The following HHAT variants were observed in gnomAD, a reference collection of about 807,000 sequenced individuals.
The protein encoded by HHAT is protein-cysteine N-palmitoyltransferase HHAT.
HHAT carries 47 observed loss-of-function variants against 70.8 expected under a neutral mutation model. The ratio of observed to expected loss-of-function variants is 0.66; its 90% CI spans 0.53 to 0.85. The LOEUF is 0.85. HHAT is among the 40% of genes least tolerant of loss of function. The pLI is 0.00. For synonymous variants in HHAT, 228 were observed against 247.6 expected, an observed-to-expected ratio of 0.92 and a Z score of 0.74; for missense variants, 609 against 604.8, an observed-to-expected ratio of 1.01 and a Z score of -0.07.
chr1:210,400,826 A>T (rs181910389), intron 5 of HHAT, among the ~76,000 whole-genome samples, 164 bp downstream of exon 5: 1 of 152,156 alleles, frequency 6.6e-6, no homozygotes, highest in Non-Finnish European at 1.5e-5. Context: ...CTAGTGGTGC[A>T]TTCTGCAATC....
chr1:210,466,561 T>C (rs988163406), intron 8 of HHAT, among the ~76,000 whole-genome samples: 26 of 152,224 alleles, frequency 1.7e-4, no homozygotes, highest in Admixed American at 1.7e-3. Context: ...TCAGTGTGAA[T>C]GCTTGTACTC....
intron 1 of HHAT, among the ~76,000 whole-genome samples, chr1:210,336,897 CA>C (rs1282829899): frequency 2.6e-5 from 4 of 152,178 alleles, no homozygotes; most frequent in African/African-American, 7.2e-5. Flanking sequence ...CTGATGCTCC[CA>C]GGCTGGGGAG....
At chr1:210,631,264 A>G in intron 11 of HHAT, 2 of 376,762 alleles carry the variant, frequency 5.3e-6, no homozygotes, top group South Asian at 4.1e-5. Context: ...CACTGTTTAC[A>G]CCATGAACCA....
At chr1:210,652,584 G>A (rs533346014) in intron 11 of HHAT, among the ~76,000 whole-genome samples, 112 of 152,264 alleles carry the variant, frequency 7.4e-4, no homozygotes, top group Middle Eastern at 3.4e-3. Flanking sequence ...GGAGGCTCCC[G>A]CAACTCAGTG....
intron 7 of HHAT, among the ~76,000 whole-genome samples, chr1:210,445,793 C>A (rs1212211156): frequency 6.6e-6 from 1 of 151,976 alleles, no homozygotes; most frequent in African/African-American, 2.4e-5. Flanking sequence ...CTGCCCCACC[C>A]TTCTCTATTT....
chr1:210,651,509 G>A (rs982825784), intron 11 of HHAT, among the ~76,000 whole-genome samples: 10 of 152,156 alleles, frequency 6.6e-5, no homozygotes, highest in African/African-American at 1.9e-4. Flanking sequence ...TGGCAGCTGT[G>A]CTTAGGCCTC....
chr1:210,390,936 T>C (rs540798420), intron 4 of HHAT, among the ~76,000 whole-genome samples: 1 of 152,384 alleles, frequency 6.6e-6, no homozygotes, highest in African/African-American at 2.4e-5. Context: ...ATCTTTGCAA[T>C]TGCAAATTAG....
At chr1:210,501,540 C>T (rs1474795618) in intron 8 of HHAT, among the ~76,000 whole-genome samples, 2 of 152,230 alleles carry the variant, frequency 1.3e-5, no homozygotes, top group African/African-American at 2.4e-5. Context: ...ATCTTGGCTG[C>T]CTGCAGCACC....
At chr1:210,481,622 C>A (rs1017706635) in intron 8 of HHAT, among the ~76,000 whole-genome samples, 2 of 152,174 alleles carry the variant, frequency 1.3e-5, no homozygotes, top group African/African-American at 4.8e-5. Context: ...CGGATCTCAC[C>A]CAGCTGAGGT....
At chr1:210,620,843 C>A (rs1402358827) in intron 10 of HHAT, among the ~76,000 whole-genome samples, 8 of 151,232 alleles carry the variant, frequency 5.3e-5, no homozygotes, top group African/African-American at 1.9e-4. Flanking sequence ...CCCCCCCTCT[C>A]CTTCCTATCT....
intron 9 of HHAT, among the ~76,000 whole-genome samples, chr1:210,557,664 C>T (rs1439822276): frequency 3.3e-5 from 5 of 152,108 alleles, no homozygotes; most frequent in Non-Finnish European, 7.4e-5. Context: ...GAAGCAAAAG[C>T]GGAAACCCCT....
At chr1:210,476,934 TCTC>T (rs759435467) in intron 8 of HHAT, among the ~76,000 whole-genome samples, 6 of 152,164 alleles carry the variant, frequency 3.9e-5, no homozygotes, top group Non-Finnish European at 8.8e-5. Context: ...TCTCAGGACT[TCTC>T]CTCCTTGACA....
intron 9 of HHAT, among the ~76,000 whole-genome samples, chr1:210,541,460 G>A (rs1194237889): frequency 6.6e-6 from 1 of 152,204 alleles, no homozygotes; most frequent in Non-Finnish European, 1.5e-5. Flanking sequence ...AGCTGCGGTG[G>A]CTCACGCCTG....
intron 10 of HHAT, among the ~76,000 whole-genome samples, chr1:210,597,585 A>G (rs1454873493): frequency 2.0e-5 from 3 of 152,116 alleles, no homozygotes; most frequent in South Asian, 2.1e-4. Flanking sequence ...TTCCACAAGC[A>G]GAGGAGTCTT....
intron 7 of HHAT, among the ~76,000 whole-genome samples, chr1:210,421,917 GT>G (rs1004391819): frequency 1.3e-5 from 2 of 151,904 alleles, no homozygotes; most frequent in African/African-American, 4.8e-5. Context: ...TTTTTATGTT[GT>G]TTTTTTGACA....
At position 210,418,218 on chromosome 1, in the gene HHAT, G is replaced by A. The variant is rs148639278; in HGVS notation, c.749G>A (p.Arg250His). ...SLCVLALGLG[R>H]LLCWWWLAEL... is the part of the protein sequence containing the mutation. ...TGTGTCCTGGCCCTGGGGCTGGGCC[G>A]CCTTCTTTGCTGGTGGTGGCTGGCC... is the stretch of plus-strand genomic sequence containing the variant. The change falls in exon 7 of 12, where the codon CGC becomes CAC. Residue 250 changes from arginine to histidine, a missense_variant. Arg to His is a conservative substitution (Grantham distance 29). Transcript: ENST00000261458. 2.5e-5 allele frequency: 41 copies of A among 1,613,888 alleles called. No individual in the cohort carries two copies. The highest frequency in any genetic ancestry group is 3.3e-4 in the Middle Eastern group (2 of 6,084).
In HHAT at chr1:210,380,575, C is replaced by G. The variant is rs1435567289; in HGVS notation, c.160-6893C>G. 2.6e-5 allele frequency among the ~76,000 whole-genome samples: 4 copies of G among 152,068 alleles called. No individual in the cohort carries two copies. The East Asian group carries it at 5.8e-4, about 22-fold the overall frequency. The stretch of plus-strand genomic sequence containing the variant: ...TAAAATAAAATAAAATTTTAAAAAG[C>G]ACAATGGGATAAGTTGCTTTGTTAC... On this transcript the variant is annotated intron_variant, in intron 3 of 11. Coordinates refer to ENST00000261458, the MANE Select transcript of HHAT (RefSeq NM_018194.6).
At chr1:210,522,830 T>C (rs1473048622) in intron 9 of HHAT, among the ~76,000 whole-genome samples, 2 of 151,550 alleles carry the variant, frequency 1.3e-5, no homozygotes, top group East Asian at 3.9e-4. Context: ...TGGCACGCTC[T>C]CTTTCTACCC....
At chr1:210,378,441 G>T (rs1489362911) in intron 3 of HHAT, among the ~76,000 whole-genome samples, 1 of 152,144 alleles carries the variant, frequency 6.6e-6, no homozygotes, top group Non-Finnish European at 1.5e-5. Context: ...AAGGAAAATA[G>T]TAAATATATT....
Sources: gnomAD v4.1 joint callset for allele counts (sites outside exome capture counted in the v4.1 genomes callset) on GRCh38, gnomAD v4.1.1 for gene constraint, MANE v1.5 for transcripts, NCBI Gene and HGNC (gene_info 2026-07-23, HGNC 2026-07-21) for gene names.